ASB14: variants seen among roughly 807,000 people sequenced by gnomAD.
ASB14 encodes ankyrin repeat and SOCS box containing 14, also known as ankyrin repeat and SOCS box protein 14.
ASB14 carries 63 observed loss-of-function variants against 55.6 expected under a neutral mutation model. That is an observed-to-expected ratio of 1.13 (90% confidence interval 0.92 to 1.40). The LOEUF is 1.40. ASB14 is among the 40% of genes most tolerant of loss of function. The probability of loss-of-function intolerance (pLI) is 0.00; values close to 1 mark genes in which losing one functional copy is unlikely to be tolerated. For missense variants in ASB14, 724 were observed against 710.4 expected, an observed-to-expected ratio of 1.02 and a Z score of -0.22; for synonymous variants, 256 against 259.9, an observed-to-expected ratio of 0.98 and a Z score of 0.15.
chr3:57,276,149 G>C (rs1350261654), intron 10 of ASB14, among the ~76,000 whole-genome samples: 1 of 150,500 alleles, frequency 6.6e-6, no homozygotes, highest in Non-Finnish European at 1.5e-5. Context: ...CATAGACATT[G>C]GATTTATACA....
rs969289033 is a variant in ASB14 at position 57,278,479 on chromosome 3, A to G, written c.1329T>C (p.Tyr443=). Residue 443 remains tyrosine, a synonymous_variant, in exon 8 of 11, where the codon TAT becomes TAC. Coordinates refer to ENST00000487349, the MANE Select transcript of ASB14 (RefSeq NM_001142733.3). ...DEVMLRMLLN[Y]GYDTERCFDC... The stretch of plus-strand genomic sequence containing the variant: ...CAAAACATCGCTCTGTGTCATACCC[A>G]TAGTTCAGCAGCATCCTGAGCATGA... The G allele has an allele frequency of 2.5e-6, 4 of 1,614,194 alleles. No individual in the cohort carries two copies. Among genetic ancestry groups the G allele is most frequent in the Admixed American group, 1.7e-5 (1 of 60,032 alleles).
Position 57,269,016 on chromosome 3 carries a change from AGAG to A in ASB14, c.*622_*624del, listed in dbSNP as rs1275074236. On this transcript the variant is annotated 3_prime_UTR_variant, in exon 11 of 11. Coordinates refer to ENST00000487349, the MANE Select transcript of ASB14 (RefSeq NM_001142733.3). ...TGTAGATTGACAGTAGGAATAGAAA[AGAG>A]GAGACAGCTGGGATGCTTAGAACAG... 2.0e-5 allele frequency: 3 copies of A among 153,124 alleles called. No individual in the cohort carries two copies. Among genetic ancestry groups the A allele is most frequent in the Non-Finnish European group, 4.4e-5 (3 of 68,728 alleles). The allele number at this position is 153,124 out of a possible 1,614,324, so 9.5% of individuals were successfully genotyped here.
At chr3:57,276,431 G>C (rs1426284578) in intron 10 of ASB14, 97 bp downstream of exon 10, 3 of 864,822 alleles carry the variant, frequency 3.5e-6, no homozygotes, top group East Asian at 2.7e-5. Context: ...ACTTTTTAAA[G>C]GACTTAGACT....
At chr3:57,288,353 C>T (rs1035508105) in intron 3 of ASB14, 67 bp from the exon 4 acceptor site, 11 of 1,466,464 alleles carry the variant, frequency 7.5e-6, no homozygotes, top group Middle Eastern at 1.7e-4. Flanking sequence ...ATATTGCTTC[C>T]TGAATTCTAC....
intron 10 of ASB14, among the ~76,000 whole-genome samples, chr3:57,275,277 C>T (rs1019705846): frequency 2.0e-5 from 3 of 152,076 alleles, no homozygotes; most frequent in African/African-American, 7.2e-5. Flanking sequence ...CATGATGAAA[C>T]CCCGTTTCTA....
In ASB14 at chr3:57,287,799, G is replaced by A. The variant is rs928629947; in HGVS notation, c.469+102C>T. On this transcript the variant is annotated intron_variant, in intron 5 of 10. Coordinates refer to ENST00000487349, the MANE Select transcript of ASB14 (RefSeq NM_001142733.3). Reference sequence around the variant, plus strand: ...CCATGTCTGGTCAGTTGGGAACAGAGTGACAGTGCTGCAACTATGCATAAA... The same window carrying A: ...CCATGTCTGGTCAGTTGGGAACAGAATGACAGTGCTGCAACTATGCATAAA... 7.9e-6 allele frequency: 10 copies of A among 1,263,182 alleles called. No individual in the cohort carries two copies. The African/African-American group carries it at 1.5e-4, about 19-fold the overall frequency. 78.2% of individuals were successfully genotyped at this position (1,263,182 alleles called of 1,614,324 possible).
chr3:57,292,150 G>T, intron 1 of ASB14, 46 bp from the exon 2 acceptor site: 1 of 1,122,884 alleles, frequency 8.9e-7, no homozygotes, highest in Non-Finnish European at 1.2e-6. Context: ...AAAATTGGTA[G>T]GATTAACAAT....
In ASB14 at chr3:57,278,417, G is replaced by A; in HGVS notation, c.1391C>T (p.Thr464Ile). The change falls in exon 8 of 11, where the codon ACT becomes ATT. Residue 464 changes from threonine to isoleucine, a missense_variant. Physicochemically the swap from Thr to Ile is moderately conservative, Grantham distance 89. Transcript: ENST00000487349. ...PHGDKVHPSY[T>I]VEGWTSTVIK... ...AACTGTAGATGTCCAGCCTTCAACA[G>A]TATAGGAAGGATGGACTTTGTCTCC... 1 of 1,614,126 alleles carries A rather than the reference G, an allele frequency of 6.2e-7. No individual in the cohort carries two copies. Among genetic ancestry groups the A allele is most frequent in the Non-Finnish European group, 8.5e-7 (1 of 1,179,992 alleles).
Position 57,269,220 on chromosome 3 carries a change from T to G in ASB14, c.*421A>C. ...GGCTGGAGAGGGGAAGGGAAAGGAGTGTGGGGGTGATCCCTTTCGAGGGTT... is the reference window on the plus strand; with the variant it reads ...GGCTGGAGAGGGGAAGGGAAAGGAGGGTGGGGGTGATCCCTTTCGAGGGTT... On this transcript the variant is annotated 3_prime_UTR_variant, in exon 11 of 11. Coordinates refer to ENST00000487349, the MANE Select transcript of ASB14 (RefSeq NM_001142733.3). The G allele has an allele frequency of 5.4e-6, 1 of 185,170 alleles. No homozygotes were observed. Among genetic ancestry groups the G allele is most frequent in the Non-Finnish European group, 1.1e-5 (1 of 90,064 alleles). The allele number at this position is 185,170 out of a possible 1,614,324, so 11.5% of individuals were successfully genotyped here. A position where few individuals can be genotyped will look rare whatever the true frequency, so the allele number is the denominator to read the frequency against.
chr3:57,292,272 A>G (rs1171110059), intron 1 of ASB14, among the ~76,000 whole-genome samples, 168 bp from the exon 2 acceptor site: 1 of 152,250 alleles, frequency 6.6e-6, no homozygotes, highest in Non-Finnish European at 1.5e-5. Context: ...TTCCATGAGT[A>G]GCCATTGACT....
rs763957241 is a variant in ASB14, at chr3:57,276,699, G to A, written c.1615C>T (p.Arg539Cys). The A allele has an allele frequency of 2.4e-5, 39 of 1,613,386 alleles. No homozygotes were observed. Among genetic ancestry groups the A allele is most frequent in the East Asian group, 6.7e-5 (3 of 44,884 alleles). The change falls in exon 10 of 11, where the codon CGC becomes TGC. Residue 539 changes from arginine (R) to cysteine (C), a missense_variant. By Grantham distance (180) the Arg-to-Cys change is radical (BLOSUM62 -3). Coordinates refer to ENST00000487349, the MANE Select transcript of ASB14 (RefSeq NM_001142733.3). Reference protein sequence around the residue: ...TNPRSLKHLCRLKIRKCMGRL... With the variant: ...TNPRSLKHLCCLKIRKCMGRL... ...CCCATGCATTTCCGGATCTTTAGGC[G>A]GCACAAATGTTTTAGGGAGCGAGGG... is the stretch of plus-strand genomic sequence containing the variant.
At chr3:57,278,247 T>C (rs926074075) in intron 8 of ASB14, 130 bp downstream of exon 8, 15 of 668,260 alleles carry the variant, frequency 2.2e-5, no homozygotes, top group Admixed American at 3.1e-5. Flanking sequence ...AATTATTTTA[T>C]CATATAATTA....
intron 7 of ASB14, 120 bp downstream of exon 7, chr3:57,280,182 A>AG (rs2061028143): frequency 1.5e-6 from 1 of 689,650 alleles, no homozygotes; most frequent in African/African-American, 1.9e-5. Context: ...AAAAAAAAAA[A>AG]AAAAGTATGT....
In ASB14 at chr3:57,280,356, G is replaced by T. The variant is rs957425947; in HGVS notation, c.833C>A (p.Pro278His). The T allele has an allele frequency of 1.3e-6, 2 of 1,551,050 alleles. No individual in the cohort carries two copies. The highest frequency in any genetic ancestry group is 2.7e-5 in the African/African-American group (2 of 72,988). The change falls in exon 7 of 11, where the codon CCT (proline) becomes CAT (histidine). Residue 278 changes from proline (P) to histidine (H), a missense_variant. Pro to His is a moderately conservative substitution (Grantham distance 77). Transcript: ENST00000487349. ...LLEYGADANI[P>H]KNSGHLPIHV... ...GATGGGCAGGTGGCCTGAATTCTTAGGGATGTTGGCATCAGCTCCATACTC... is the reference window on the plus strand; with the variant it reads ...GATGGGCAGGTGGCCTGAATTCTTATGGATGTTGGCATCAGCTCCATACTC...
At chr3:57,288,412 G>A (rs2061098728) in intron 3 of ASB14, 126 bp from the exon 4 acceptor site, 1 of 1,068,164 alleles carries the variant, frequency 9.4e-7, no homozygotes, top group South Asian at 1.6e-5. Context: ...CACCTTTTAT[G>A]AAAGACAAAT....
intron 10 of ASB14, chr3:57,273,488 CTTTA>C (rs898707690): frequency 6.6e-6 from 1 of 152,312 alleles, no homozygotes. Flanking sequence ...ATACTCTGAA[CTTTA>C]TTTCTCAAAG....
intron 5 of ASB14, among the ~76,000 whole-genome samples, chr3:57,285,756 G>C (rs1251091967): frequency 6.6e-6 from 1 of 152,034 alleles, no homozygotes. Flanking sequence ...AGCCCACCAT[G>C]GTCTTGAAGA....
chr3:57,277,801 T>C lies in ASB14; in HGVS notation c.1551A>G (p.Lys517=). 2 of 1,612,108 alleles carry C rather than the reference T, an allele frequency of 1.2e-6. No homozygotes were observed. Among genetic ancestry groups the C allele is most frequent in the South Asian group, 2.2e-5 (2 of 90,502 alleles). Residue 517 remains lysine, a synonymous_variant, in exon 9 of 11, where the codon AAA becomes AAG. Transcript: ENST00000487349. ...AATGTATTTCTGACCAGATCCCCTG[T>C]TTTTGGAGCACAGCTTTCAACTTTG... ...ICSKLKAVLQ[K]QGIWSEIHFI... is the part of the protein sequence containing the mutation.
chr3:57,279,084 A>G, intron 7 of ASB14, 164 bp from the exon 8 acceptor site: 2 of 658,002 alleles, frequency 3.0e-6, no homozygotes, highest in Non-Finnish European at 5.0e-6. Context: ...AAGCTCAGAT[A>G]CCAAGTAAAA....
Sources: allele counts gnomAD v4.1 joint callset (sites outside exome capture counted in the v4.1 genomes callset), GRCh38; gene constraint gnomAD v4.1.1; transcripts MANE v1.5; gene names NCBI Gene and HGNC (gene_info 2026-07-23, HGNC 2026-07-21).